The following CLPTM1L variants were observed in gnomAD, a reference collection of about 807,000 sequenced individuals.
The protein encoded by CLPTM1L is CLPTM1 like.
In CLPTM1L, 38 loss-of-function variants were observed where a neutral mutation model predicts 70.9. The ratio of observed to expected loss-of-function variants is 0.54; its 90% CI spans 0.41 to 0.70. CLPTM1L has a LOEUF of 0.70. Among genes scored for constraint, CLPTM1L ranks in the 30% least tolerant of loss-of-function variants. CLPTM1L has a pLI of 0.00. For missense variants in CLPTM1L, 652 were observed against 705.9 expected (o/e 0.92, Z 0.87); for synonymous variants, 339 against 299.9 (o/e 1.13, Z -1.35).
chr5:1,331,943 C>CA (rs2111230104), intron 7 of CLPTM1L, 60 bp from the exon 8 acceptor site: 1 of 1,410,156 alleles, frequency 7.1e-7, no homozygotes, highest in East Asian at 2.3e-5. Context: ...TCCTGTGAGA[C>CA]AGAGATAGAG....
At chr5:1,326,322 G>GAC (rs200977105) in intron 9 of CLPTM1L, 6 of 255,540 alleles carry the variant, frequency 2.3e-5, no homozygotes, top group East Asian at 1.3e-4. Context: ...CCTCTACAGG[G>GAC]ACATTCCATC....
chr5:1,321,589 C>G (rs778464298), intron 15 of CLPTM1L, 46 bp downstream of exon 15: 2 of 1,575,730 alleles, frequency 1.3e-6, no homozygotes, highest in African/African-American at 2.7e-5. Context: ...CCCTTGCTCA[C>G]GCTCTGCTCA....
intron 11 of CLPTM1L, 139 bp from the exon 12 acceptor site, chr5:1,324,008 G>A (rs538499138): frequency 2.0e-5 from 13 of 663,818 alleles, no homozygotes; most frequent in Middle Eastern, 3.9e-4. Context: ...TGCAGGGGGC[G>A]GCGTGAGGGG....
chr5:1,330,673 G>C (rs1579636720), intron 8 of CLPTM1L: 3 of 434,826 alleles, frequency 6.9e-6, no homozygotes, highest in Non-Finnish European at 8.3e-6. Context: ...TCGGATGACG[G>C]GGCCAGCACA....
rs1338675658 is a variant in CLPTM1L at position 1,318,896 on chromosome 5, C to G, written c.1533-443G>C. 4.6e-5 allele frequency among the ~76,000 whole-genome samples: 7 copies of G among 152,194 alleles called. No individual in the cohort carries two copies. Among genetic ancestry groups the G allele is most frequent in the Admixed American group, 4.6e-4 (7 of 15,278 alleles). ...ATCCTGAGCGCCCCGGAGGCCTTGC[C>G]AACATCACCCCTACGTATGGATGAG... On this transcript the variant is annotated intron_variant, in intron 16 of 16. Coordinates refer to ENST00000320895, the MANE Select transcript of CLPTM1L (RefSeq NM_030782.5). The surrounding 1 kb of genome is among the most constrained non-coding windows in gnomAD (Gnocchi z 8.9).
intron 4 of CLPTM1L, 114 bp downstream of exon 4, chr5:1,338,728 TGGGAGGCCCGGGCAGCAA>T: frequency 1.0e-6 from 1 of 1,000,200 alleles, no homozygotes; most frequent in South Asian, 1.6e-5. Context: ...GGGAAAGAGC[TGGGAGGCCCGGGCAGCAA>T]GTGCCTCCCC....
At position 1,337,892 on chromosome 5, in the gene CLPTM1L, G is replaced by T; in HGVS notation, c.678+12C>A. 6.3e-7 allele frequency: 1 copy of T among 1,583,144 alleles called. No homozygotes were observed. The highest frequency in any genetic ancestry group is 8.6e-7 in the Non-Finnish European group (1 of 1,166,286). On this transcript the variant is annotated intron_variant, in intron 5 of 16. Transcript: ENST00000320895. ...GCCAGCTGCACAACCAGCGGGCAGA[G>T]GTGTCACTCACCATCAGGTCCTTCA...
chr5:1,327,427 CAT>C (rs1752677259), intron 9 of CLPTM1L, among the ~76,000 whole-genome samples: 44 of 141,142 alleles, frequency 3.1e-4, no homozygotes, highest in African/African-American at 1.1e-3. Flanking sequence ...CCTCTACAGA[CAT>C]ATTTCATCCA....
chr5:1,327,915 A>G (rs1236614053), intron 9 of CLPTM1L, among the ~76,000 whole-genome samples: 3 of 84,576 alleles, frequency 3.5e-5, no homozygotes, highest in Non-Finnish European at 7.3e-5. Flanking sequence ...CTCCTCCTCT[A>G]CAGACACATT....
rs773036012 is a variant in CLPTM1L, at chr5:1,334,301, G to A, written c.879C>T (p.Val293=). 5 of 1,613,308 alleles carry A rather than the reference G, an allele frequency of 3.1e-6. No individual in the cohort carries two copies. The highest frequency in any genetic ancestry group is 1.3e-5 in the African/African-American group (1 of 74,886). ...GTGGATGACTCACATGGAACGCTGC[G>A]ACAAAGAAGGTCAGCGCCAGGAAGT... ...NLYFLALTFF[V]AAFHLLFDFL... is the part of the protein sequence containing the mutation. Residue 293 remains valine, a synonymous_variant, in exon 7 of 17, where the codon GTC becomes GTT. Transcript: ENST00000320895.
chr5:1,324,596 C>G (rs1342940664), intron 11 of CLPTM1L, among the ~76,000 whole-genome samples, 167 bp downstream of exon 11: 2 of 152,218 alleles, frequency 1.3e-5, no homozygotes, highest in African/African-American at 4.8e-5. Flanking sequence ...CCGCCCTTCC[C>G]AGTAAGAAAT....
chr5:1,334,388 C>G lies in CLPTM1L; in HGVS notation c.797-5G>C, dbSNP rs1446629110. 3 of 1,529,760 alleles carry G rather than the reference C, an allele frequency of 2.0e-6. No homozygotes were observed. The highest frequency in any genetic ancestry group is 1.2e-5 in the South Asian group (1 of 86,416). 94.8% of individuals were successfully genotyped at this position (1,529,760 alleles called of 1,614,324 possible). On this transcript the variant is annotated splice_polypyrimidine_tract_variant and splice_region_variant and intron_variant, in intron 6 of 16. Transcript: ENST00000320895. ...CAGCATCTTTCTCTGAAAACCCTGTCAAGGAAAAAAAAACATACAATATAA... is the reference window on the plus strand; with the variant it reads ...CAGCATCTTTCTCTGAAAACCCTGTGAAGGAAAAAAAAACATACAATATAA...
rs1753982588 is a variant in CLPTM1L at position 1,342,046 on chromosome 5, G to GCGCGCA, written c.264-187_264-186insTGCGCG. ...TGTGTGTGTGTGTGTGTGTGCACGCGCACGCGTGCGCGTCCTGAGAACTCG... is the reference window on the plus strand; with the variant it reads ...TGTGTGTGTGTGTGTGTGTGCACGCGCGCGCACACGCGTGCGCGTCCTGAGAACTCG... On this transcript the variant is annotated intron_variant, in intron 2 of 16. Coordinates refer to ENST00000320895, the MANE Select transcript of CLPTM1L (RefSeq NM_030782.5). The surrounding 1 kb of genome is among the most constrained non-coding windows in gnomAD (Gnocchi z 4.3). Among the ~76,000 whole-genome samples the GCGCGCA allele has an allele frequency of 6.6e-6, 1 of 151,234 alleles. No homozygotes were observed. Among genetic ancestry groups the GCGCGCA allele is most frequent in the African/African-American group, 2.5e-5 (1 of 40,810 alleles).
intron 5 of CLPTM1L, among the ~76,000 whole-genome samples, chr5:1,337,111 G>A (rs1244811612): frequency 6.6e-6 from 1 of 152,178 alleles, no homozygotes; most frequent in African/African-American, 2.4e-5. Context: ...GGGAGGCAGG[G>A]CAGGGCAGCG....
chr5:1,340,549 T>A (rs1753874541), intron 3 of CLPTM1L, among the ~76,000 whole-genome samples: 2 of 152,180 alleles, frequency 1.3e-5, no homozygotes. Context: ...ACATGCTACA[T>A]GCCCATCACC....
intron 1 of CLPTM1L, 44 bp from the exon 2 acceptor site, chr5:1,344,495 G>A (rs1387697705): frequency 1.3e-6 from 2 of 1,561,760 alleles, no homozygotes; most frequent in Non-Finnish European, 1.8e-6. Context: ...CCAGGCCCTG[G>A]CAGGACGCAC....
chr5:1,343,621 G>T (rs1416505219), intron 2 of CLPTM1L, among the ~76,000 whole-genome samples: 2 of 152,222 alleles, frequency 1.3e-5, no homozygotes, highest in Non-Finnish European at 2.9e-5. Context: ...CAGAGAGAGG[G>T]CAGGAACTGG....
rs376389240 is a variant in CLPTM1L at position 1,334,327 on chromosome 5, A to G, written c.853T>C (p.Tyr285His). ...VKGIFVDTNLYFLALTFFVAA... is the reference protein window; with the variant it reads ...VKGIFVDTNLHFLALTFFVAA... ...ACAAAGAAGGTCAGCGCCAGGAAGT[A>G]TAAGTTGGTATCTACAAAAATTCCT... Residue 285 changes from tyrosine to histidine, a missense_variant, in exon 7 of 17, where the codon TAC becomes CAC. Coordinates refer to ENST00000320895, the MANE Select transcript of CLPTM1L (RefSeq NM_030782.5). The G allele has an allele frequency of 8.7e-6, 14 of 1,613,840 alleles. No individual in the cohort carries two copies. Among genetic ancestry groups the G allele is most frequent in the African/African-American group, 2.7e-5 (2 of 74,938 alleles).
intron 7 of CLPTM1L, among the ~76,000 whole-genome samples, chr5:1,333,926 T>C (rs938564642): frequency 6.6e-6 from 1 of 152,122 alleles, no homozygotes; most frequent in African/African-American, 2.4e-5. Flanking sequence ...TGGCTCTGCA[T>C]GGGGTCGGGG....
Sources: gnomAD v4.1 joint callset for allele counts (sites outside exome capture counted in the v4.1 genomes callset) on GRCh38, gnomAD v4.1.1 for gene constraint, Gnocchi (gnomAD v3.1) non-coding constraint, MANE v1.5 for transcripts, NCBI Gene and HGNC (gene_info 2026-07-23, HGNC 2026-07-21) for gene names.